Variants in USP43 observed in about 807,000 individuals in gnomAD.
USP43 encodes ubiquitin carboxyl-terminal hydrolase 43.
A neutral mutation model predicts 90.7 loss-of-function variants in USP43; 33 were observed. The ratio of observed to expected loss-of-function variants is 0.36; its 90% confidence interval spans 0.28 to 0.49. USP43 has a LOEUF of 0.49. Ranked by LOEUF, USP43 falls within the 20% of genes least tolerant of loss-of-function variation. The probability of loss-of-function intolerance (pLI) is 0.98; values close to 1 mark genes in which losing one functional copy is unlikely to be tolerated. For synonymous variants in USP43, 598 were observed against 615.8 expected (o/e 0.97, Z 0.43); for missense variants, 1,274 against 1,476.4 (o/e 0.86, Z 2.25).
chr17:9,712,459 G>A (rs903027661), intron 14 of USP43, among the ~76,000 whole-genome samples: 2 of 152,180 alleles, frequency 1.3e-5, no homozygotes, highest in African/African-American at 4.8e-5. Flanking sequence ...GGGTGGAGGA[G>A]GGAGGGTGCA....
intron 2 of USP43, among the ~76,000 whole-genome samples, chr17:9,656,804 T>C (rs565625040): frequency 1.3e-5 from 2 of 152,240 alleles, no homozygotes; most frequent in Non-Finnish European, 2.9e-5. Flanking sequence ...GAAAAGTCTT[T>C]TCTTTGGTTT....
At chr17:9,682,801 A>C (rs1168267575) in intron 6 of USP43, 22 bp from the exon 7 acceptor site, 2 of 1,612,014 alleles carry the variant, frequency 1.2e-6, no homozygotes, top group South Asian at 2.2e-5. Context: ...AATATGAACA[A>C]ATGTCATTCT....
intron 4 of USP43, among the ~76,000 whole-genome samples, chr17:9,675,846 A>G (rs1913736749): frequency 6.6e-6 from 1 of 152,190 alleles, no homozygotes; most frequent in Admixed American, 6.5e-5. Context: ...AGATAATGTC[A>G]ACTTATAGAT....
chr17:9,654,528 T>C (rs1912097985), intron 1 of USP43, among the ~76,000 whole-genome samples: 1 of 151,878 alleles, frequency 6.6e-6, no homozygotes, highest in African/African-American at 2.4e-5. Flanking sequence ...CAGGTGCCTG[T>C]AATCCCAGCT....
chr17:9,695,124 G>A (rs1915179964), intron 9 of USP43, among the ~76,000 whole-genome samples: 1 of 151,800 alleles, frequency 6.6e-6, no homozygotes, highest in South Asian at 2.1e-4. Flanking sequence ...ACCTCAGTCT[G>A]GCCCCTGTTC....
rs188720173 is a variant in USP43, at chr17:9,668,641, A to T, written c.740+1890A>T. On this transcript the variant is annotated intron_variant, in intron 3 of 14. Transcript: ENST00000285199. Reference sequence around the variant, plus strand: ...CGGGCTCTTCGTTCCTGCTTGCTTGAGGTTGTTTAGTATACAGGGTAAAGA... The same window carrying T: ...CGGGCTCTTCGTTCCTGCTTGCTTGTGGTTGTTTAGTATACAGGGTAAAGA... 1.1e-4 allele frequency among the ~76,000 whole-genome samples: 16 copies of T among 152,178 alleles called. No homozygotes were observed. In the East Asian group the frequency reaches 2.9e-3, roughly 28 times the overall value.
intron 8 of USP43, among the ~76,000 whole-genome samples, chr17:9,687,819 A>C (rs1426123875): frequency 6.6e-6 from 1 of 152,176 alleles, no homozygotes. Flanking sequence ...ATTTGTCCCA[A>C]CTTTTATCTC....
intron 6 of USP43, among the ~76,000 whole-genome samples, chr17:9,680,853 T>C (rs1262880696): frequency 6.6e-6 from 1 of 151,598 alleles, no homozygotes; most frequent in Non-Finnish European, 1.5e-5. Context: ...ATTAAATGAC[T>C]TTTTAACAAA....
chr17:9,713,448 A>G (rs1453357192), intron 14 of USP43, among the ~76,000 whole-genome samples: 1 of 152,046 alleles, frequency 6.6e-6, no homozygotes, highest in Non-Finnish European at 1.5e-5. Context: ...TCTGGCAACC[A>G]TCATTCTACT....
In USP43 at chr17:9,728,112, T is replaced by C; in HGVS notation, c.2494T>C (p.Leu832=). 6.2e-7 allele frequency: 1 copy of C among 1,613,642 alleles called. No homozygotes were observed. The highest frequency in any genetic ancestry group is 8.5e-7 in the Non-Finnish European group (1 of 1,179,820). The change falls in exon 15 of 15, where the codon TTG becomes CTG. Residue 832 remains leucine, a synonymous_variant. Coordinates refer to ENST00000285199, the MANE Select transcript of USP43 (RefSeq NM_153210.5). The surrounding 1 kb of genome is among the most constrained non-coding windows in gnomAD (Gnocchi z 6.2). ...KEKPPGASVE[L]VEYLESRRRP... is the part of the protein sequence containing the mutation. ...GAAACCACCAGGTGCCTCCGTCGAG[T>C]TGGTGGAGTACTTGGAATCCAGACG...
chr17:9,677,985 C>T (rs762808834), intron 5 of USP43, among the ~76,000 whole-genome samples: 8 of 152,096 alleles, frequency 5.3e-5, no homozygotes, highest in Admixed American at 3.3e-4. Flanking sequence ...TCTCAAATAG[C>T]AGGGGAAATG....
At position 9,680,249 on chromosome 17, in the gene USP43, T is replaced by C. The variant is rs1914076995; in HGVS notation, c.988T>C (p.Tyr330His). The C allele has an allele frequency of 3.1e-6, 5 of 1,613,898 alleles. No individual in the cohort carries two copies. The Middle Eastern group carries it at 6.6e-4, about 213-fold the overall frequency. The change falls in exon 6 of 15, where the codon TAT (tyrosine) becomes CAT (histidine). Residue 330 changes from tyrosine (Y) to histidine (H), a missense_variant. Tyr to His is a moderately conservative substitution (Grantham distance 83). Coordinates refer to ENST00000285199, the MANE Select transcript of USP43 (RefSeq NM_153210.5). ...PADEVILVEL[Y>H]PSGFQRSFFD... ...ATTTCAGGTGATCTTGGTTGAACTG[T>C]ATCCCAGTGGATTCCAGCGGTCTTT...
chr17:9,645,755 C>A lies in USP43; in HGVS notation c.123C>A (p.Pro41=). 2.1e-6 allele frequency: 3 copies of A among 1,397,166 alleles called. No individual in the cohort carries two copies. Among genetic ancestry groups the A allele is most frequent in the Non-Finnish European group, 1.8e-6 (2 of 1,083,320 alleles). The allele number at this position is 1,397,166 out of a possible 1,614,324, so 86.5% of individuals were successfully genotyped here. The change falls in exon 1 of 15, where the codon CCC becomes CCA. Residue 41 remains proline, a synonymous_variant. Coordinates refer to ENST00000285199, the MANE Select transcript of USP43 (RefSeq NM_153210.5). The surrounding 1 kb of genome is among the most constrained non-coding windows in gnomAD (Gnocchi z 6.8). ...FLLALGSRSR[P]GDSPPRPQPG... The stretch of plus-strand genomic sequence containing the variant: ...TGGCGCTGGGCAGCCGCTCACGCCC[C>A]GGGGACTCACCGCCCCGGCCCCAGC...
intron 8 of USP43, among the ~76,000 whole-genome samples, chr17:9,689,536 C>A (rs537289252): frequency 1.4e-4 from 22 of 152,048 alleles, no homozygotes; most frequent in Middle Eastern, 6.8e-3. Context: ...CTCATCCTTG[C>A]AAGTAGCTGG....
intron 14 of USP43, among the ~76,000 whole-genome samples, chr17:9,722,242 T>C (rs8075955): frequency 0.16 from 23,622 of 152,106 alleles, 3,267 homozygotes; most frequent in African/African-American, 0.38. Flanking sequence ...AATCCCACCC[T>C]TTTCTTCTTT....
chr17:9,719,931 A>G (rs1054851900), intron 14 of USP43, among the ~76,000 whole-genome samples: 2 of 152,006 alleles, frequency 1.3e-5, no homozygotes, highest in Admixed American at 6.6e-5. Context: ...GCTGGGCATG[A>G]TGGCACATGA....
At chr17:9,660,295 C>T (rs1912555045) in intron 2 of USP43, among the ~76,000 whole-genome samples, 3 of 152,058 alleles carry the variant, frequency 2.0e-5, no homozygotes, top group African/African-American at 4.8e-5. Flanking sequence ...GAACTACAGG[C>T]GTGTGCCACC....
intron 14 of USP43, among the ~76,000 whole-genome samples, chr17:9,717,747 G>A (rs1439367141): frequency 6.6e-6 from 1 of 152,010 alleles, no homozygotes; most frequent in Non-Finnish European, 1.5e-5. Flanking sequence ...GCTGGAATAA[G>A]TGGGCAAATA....
At chr17:9,694,298 T>C (rs1915129700) in intron 9 of USP43, among the ~76,000 whole-genome samples, 2 of 152,144 alleles carry the variant, frequency 1.3e-5, no homozygotes, top group Non-Finnish European at 2.9e-5. Context: ...ATATCCTCCT[T>C]GGCTGGCAGA....
Sources: allele counts gnomAD v4.1 joint callset (sites outside exome capture counted in the v4.1 genomes callset), GRCh38; gene constraint gnomAD v4.1.1; non-coding constraint Gnocchi (gnomAD v3.1); transcripts MANE v1.5; gene names NCBI Gene and HGNC (gene_info 2026-07-23, HGNC 2026-07-21).